Variants in SPHKAP observed in about 807,000 individuals in gnomAD.
SPHKAP encodes A-kinase anchor protein SPHKAP.
SPHKAP carries 67 observed loss-of-function variants against 137.5 expected under a neutral mutation model. The observed-to-expected ratio is 0.49, with a 90% CI of 0.40 to 0.60. The LOEUF (loss-of-function observed/expected upper bound fraction) is 0.60. Ranked by LOEUF, SPHKAP falls within the 20% of genes least tolerant of loss-of-function variation. SPHKAP has a pLI of 0.00. For missense variants in SPHKAP, 2,097 were observed against 2,069.3 expected (o/e 1.01, Z -0.26); for synonymous variants, 813 against 785.3 (o/e 1.04, Z -0.59).
At chr2:227,985,030 C>T (rs936015575) in intron 11 of SPHKAP, among the ~76,000 whole-genome samples, 1 of 152,172 alleles carries the variant, frequency 6.6e-6, no homozygotes, top group African/African-American at 2.4e-5. Flanking sequence ...CTAAACTCTT[C>T]CCAGAATTCT....
At chr2:228,029,140 G>A (rs560479287) in intron 3 of SPHKAP, among the ~76,000 whole-genome samples, 7 of 152,182 alleles carry the variant, frequency 4.6e-5, no homozygotes, top group Non-Finnish European at 8.8e-5. Context: ...GGCTAAATGA[G>A]AAAATGCAAA....
chr2:228,121,956 A>C (rs951856417), intron 2 of SPHKAP, among the ~76,000 whole-genome samples: 3 of 152,114 alleles, frequency 2.0e-5, no homozygotes, highest in African/African-American at 7.2e-5. Context: ...TGTCTACTCC[A>C]GGCTACTATG....
At chr2:228,170,066 C>T (rs1371874784) in intron 1 of SPHKAP, among the ~76,000 whole-genome samples, 1 of 151,790 alleles carries the variant, frequency 6.6e-6, no homozygotes, top group Admixed American at 6.6e-5. Flanking sequence ...GGGTTCAAGG[C>T]TTCAGTGGCT....
intron 8 of SPHKAP, chr2:227,994,041 G>A (rs1450452382): frequency 1.0e-6 from 1 of 985,304 alleles, no homozygotes; most frequent in East Asian, 1.1e-4. Context: ...TGGGCTGGCA[G>A]GAACCAGTTT....
intron 1 of SPHKAP, among the ~76,000 whole-genome samples, chr2:228,170,492 A>G (rs1700550386): frequency 6.6e-6 from 1 of 152,122 alleles, no homozygotes; most frequent in African/African-American, 2.4e-5. Flanking sequence ...TCTTATTTAA[A>G]GAAGTTTGCA....
At position 228,017,343 on chromosome 2, in the gene SPHKAP, T is replaced by C. The variant is rs1694645765; in HGVS notation, c.3511A>G (p.Ser1171Gly). 6.2e-7 allele frequency: 1 copy of C among 1,613,630 alleles called. No individual in the cohort carries two copies. Among genetic ancestry groups the C allele is most frequent in the African/African-American group, 1.3e-5 (1 of 74,934 alleles). Residue 1171 changes from serine to glycine, a missense_variant, in exon 7 of 12, where the codon AGT becomes GGT. By Grantham distance (56) the Ser-to-Gly change is moderately conservative (BLOSUM62 0). Transcript: ENST00000392056. ...NSAMQQACRKSDHLSVRPSCP... is the reference protein window; with the variant it reads ...NSAMQQACRKGDHLSVRPSCP... ...CTAGGCCTCACACTGAGGTGGTCAC[T>C]TTTCCGGCACGCCTGTTGCATGGCT...
At chr2:227,993,044 T>G (rs1007629876) in intron 9 of SPHKAP, among the ~76,000 whole-genome samples, 7 of 152,136 alleles carry the variant, frequency 4.6e-5, no homozygotes, top group African/African-American at 1.7e-4. Context: ...AGTCCCCATA[T>G]TGTGGAGAGC....
At position 228,025,414 on chromosome 2, in the gene SPHKAP, C is replaced by T; in HGVS notation, c.421G>A (p.Ala141Thr). 1 of 1,613,802 alleles carries T rather than the reference C, an allele frequency of 6.2e-7. No homozygotes were observed. Among genetic ancestry groups the T allele is most frequent in the Admixed American group, 1.7e-5 (1 of 60,012 alleles). The stretch of plus-strand genomic sequence containing the variant: ...CTTACCTGTGAAACTTCAAAATCTG[C>T]CTGGAGATTTCCAGAGGCTAACCCA... ...LSGLASGNLQ[A>T]DFEVSQCPWL... The change falls in exon 5 of 12, where the codon GCA becomes ACA. Residue 141 changes from alanine (A) to threonine (T), a missense_variant. Physicochemically the swap from Ala to Thr is moderately conservative, Grantham distance 58. Transcript: ENST00000392056.
In SPHKAP at chr2:228,087,840, A is replaced by G. The variant is rs570209102; in HGVS notation, c.246+20992T>C. 2.2e-4 allele frequency among the ~76,000 whole-genome samples: 34 copies of G among 152,212 alleles called. 1 individual carries two copies. The highest frequency in any genetic ancestry group is 7.7e-4 in the African/African-American group (32 of 41,556). ...CAACTACATACAATGGGAATATCAG[A>G]GAGAGAGGAGAAAGAGAGAGGAGCG... On this transcript the variant is annotated intron_variant, in intron 3 of 11. Coordinates refer to ENST00000392056, the MANE Select transcript of SPHKAP (RefSeq NM_001142644.2).
At chr2:228,102,727 AG>A (rs1211636760) in intron 3 of SPHKAP, among the ~76,000 whole-genome samples, 1 of 151,822 alleles carries the variant, frequency 6.6e-6, no homozygotes. Context: ...TTACTAAAAA[AG>A]TTCCTCAATT....
intron 1 of SPHKAP, among the ~76,000 whole-genome samples, chr2:228,137,735 ATGT>A (rs1372091055): frequency 6.6e-6 from 1 of 152,222 alleles, no homozygotes; most frequent in African/African-American, 2.4e-5. Context: ...AGGAATTGAG[ATGT>A]TGTCATTAAA....
intron 3 of SPHKAP, among the ~76,000 whole-genome samples, chr2:228,070,253 C>A (rs988545577): frequency 6.6e-6 from 1 of 152,008 alleles, no homozygotes; most frequent in African/African-American, 2.4e-5. Context: ...ATAAAATAAG[C>A]TAGAGACATA....
intron 11 of SPHKAP, among the ~76,000 whole-genome samples, chr2:227,983,116 AATT>A (rs1294522643): frequency 6.6e-6 from 1 of 152,002 alleles, no homozygotes; most frequent in African/African-American, 2.4e-5. Flanking sequence ...AAAATTAATT[AATT>A]ATTATTATTT....
At chr2:228,104,262 A>G (rs1019980621) in intron 3 of SPHKAP, among the ~76,000 whole-genome samples, 1 of 79,406 alleles carries the variant, frequency 1.3e-5, no homozygotes, top group Non-Finnish European at 2.6e-5. Flanking sequence ...TATATATATC[A>G]TTATATTATA....
Position 228,139,910 on chromosome 2 carries a change from T to TTTTCTTTC in SPHKAP, c.33-7833_33-7826dup, listed in dbSNP as rs368274825. 2.2e-3 allele frequency among the ~76,000 whole-genome samples: 305 copies of TTTTCTTTC among 137,628 alleles called. 5 individuals are homozygous for TTTTCTTTC. The highest frequency in any genetic ancestry group is 6.7e-3 in the African/African-American group (259 of 38,406). The allele number at this position is 137,628 out of a possible 152,430, so 90.3% of individuals were successfully genotyped here. On this transcript the variant is annotated intron_variant, in intron 1 of 11. Transcript: ENST00000392056. ...CTAGAGTTCTTTATTTCTTTATTTATTTTCTTTCTTTCTTTCTTTCTTTCT... is the reference window on the plus strand; with the variant it reads ...CTAGAGTTCTTTATTTCTTTATTTATTTTCTTTCTTTCTTTCTTTCTTTCTTTCTTTCT...
intron 7 of SPHKAP, among the ~76,000 whole-genome samples, chr2:228,009,583 TTTC>T (rs1325189486): frequency 2.0e-5 from 3 of 152,220 alleles, no homozygotes; most frequent in Admixed American, 1.3e-4. Context: ...GAGTGATATT[TTTC>T]TTCTTCTTTG....
At chr2:228,148,812 AG>A (rs1699850766) in intron 1 of SPHKAP, among the ~76,000 whole-genome samples, 1 of 152,126 alleles carries the variant, frequency 6.6e-6, no homozygotes, top group African/African-American at 2.4e-5. Flanking sequence ...AGGAGAGGGT[AG>A]GGGGAAAAAA....
chr2:228,135,684 G>A (rs773360535), intron 1 of SPHKAP, among the ~76,000 whole-genome samples: 19 of 152,086 alleles, frequency 1.2e-4, no homozygotes, highest in African/African-American at 2.9e-4. Flanking sequence ...TTGTTCTAAT[G>A]CTAAGCCTGT....
intron 11 of SPHKAP, among the ~76,000 whole-genome samples, chr2:227,986,849 C>T (rs551563655): frequency 3.3e-5 from 5 of 152,196 alleles, no homozygotes; most frequent in African/African-American, 1.2e-4. Context: ...CTCAGAGAAG[C>T]TCACTGAATT....
Sources: allele counts gnomAD v4.1 joint callset (sites outside exome capture counted in the v4.1 genomes callset), GRCh38; gene constraint gnomAD v4.1.1; transcripts MANE v1.5; gene names NCBI Gene and HGNC (gene_info 2026-07-23, HGNC 2026-07-21).